ACOX3: variants seen among roughly 807,000 people sequenced by gnomAD.
ACOX3 encodes the protein acyl-CoA oxidase 3, pristanoyl.
ACOX3 carries 73 observed loss-of-function variants against 81.5 expected under a neutral mutation model. That is an observed-to-expected ratio of 0.90 (90% CI 0.74 to 1.09). ACOX3 has a LOEUF of 1.09. Among genes scored for constraint, ACOX3 ranks in the 50% least tolerant of loss-of-function variants. ACOX3 has a pLI of 0.00. For missense variants in ACOX3, 947 were observed against 928.0 expected (o/e 1.02, Z -0.27); for synonymous variants, 387 against 375.1 (o/e 1.03, Z -0.37).
At chr4:8,376,416 C>T (rs1170241075) in intron 14 of ACOX3, among the ~76,000 whole-genome samples, 1 of 152,068 alleles carries the variant, frequency 6.6e-6, no homozygotes, top group Non-Finnish European at 1.5e-5. Flanking sequence ...CAGGAGGACC[C>T]GGCTGCATGC....
chr4:8,418,014 A>G (rs1396055715), intron 1 of ACOX3, among the ~76,000 whole-genome samples: 3 of 152,270 alleles, frequency 2.0e-5, no homozygotes, highest in South Asian at 2.1e-4. Context: ...GAACAGATCT[A>G]TAATGACTGA....
chr4:8,396,345 G>A (rs1371646189), intron 9 of ACOX3, among the ~76,000 whole-genome samples: 2 of 152,166 alleles, frequency 1.3e-5, no homozygotes, highest in African/African-American at 2.4e-5. Flanking sequence ...CTGAACGTGC[G>A]GCCGTGCACA....
intron 15 of ACOX3, 161 bp downstream of exon 15, chr4:8,374,817 T>C: frequency 6.6e-6 from 5 of 760,928 alleles, no homozygotes; most frequent in Non-Finnish European, 9.6e-6. Context: ...CCCCATATGC[T>C]TCTCATTATG....
rs756245424 is a variant in ACOX3, at chr4:8,384,455, G to A, written c.1538-2848C>T. ...TGACGGGCAGTGAATTCTCTTGCTC[G>A]GAATGCGGCTGCTGGCGGCCTGAGG... On this transcript the variant is annotated intron_variant, in intron 13 of 17. Coordinates refer to ENST00000356406, the MANE Select transcript of ACOX3 (RefSeq NM_003501.3). This position sits in a 1 kb window ranked among gnomAD's most constrained non-coding sequence, Gnocchi z 5.3. Among the ~76,000 whole-genome samples the A allele has an allele frequency of 1.3e-5, 2 of 152,162 alleles. No homozygotes were observed. Among genetic ancestry groups the A allele is most frequent in the African/African-American group, 4.8e-5 (2 of 41,444 alleles).
rs371592538 is a variant in ACOX3 at position 8,432,834 on chromosome 4, G to C, written c.-15+7814C>G. On this transcript the variant is annotated intron_variant, in intron 1 of 17. Transcript: ENST00000356406. The surrounding 1 kb of genome is among the most constrained non-coding windows in gnomAD (Gnocchi z 6.2). ...TAAGGGTCCCAGGTGAGTGTCTCTA[G>C]TGCTGCATTGTTCAACAGTAGCCCC... Among the ~76,000 whole-genome samples, 68 of 152,324 alleles carry C rather than the reference G, an allele frequency of 4.5e-4. No homozygotes were observed. The highest frequency in any genetic ancestry group is 2.9e-3 in the East Asian group (15 of 5,188).
At chr4:8,398,333 T>A (rs1471586978) in intron 8 of ACOX3, among the ~76,000 whole-genome samples, 1 of 152,132 alleles carries the variant, frequency 6.6e-6, no homozygotes, top group Non-Finnish European at 1.5e-5. Context: ...TCTTAGAAAT[T>A]CCTCAATTTC....
downstream of ACOX3, among the ~76,000 whole-genome samples, chr4:8,361,423 C>G: frequency 3.4e-5 from 1 of 29,534 alleles, no homozygotes; most frequent in Admixed American, 5.9e-4. Flanking sequence ...GAGACTCTAT[C>G]TCAAAAAAAA....
intron 15 of ACOX3, 123 bp downstream of exon 15, chr4:8,374,855 G>A (rs920680349): frequency 6.4e-6 from 7 of 1,092,108 alleles, no homozygotes; most frequent in South Asian, 5.7e-5. Context: ...TGTCCACAGC[G>A]CCATCCGCCG....
Position 8,381,362 on chromosome 4 carries a change from A to G in ACOX3, c.1653+130T>C, listed in dbSNP as rs1279549669. 1.4e-6 allele frequency: 1 copy of G among 737,516 alleles called. No homozygotes were observed. The highest frequency in any genetic ancestry group is 1.8e-5 in the African/African-American group (1 of 57,054). The allele number at this position is 737,516 out of a possible 1,614,324, so 45.7% of individuals were successfully genotyped here. On this transcript the variant is annotated intron_variant, in intron 14 of 17. Coordinates refer to ENST00000356406, the MANE Select transcript of ACOX3 (RefSeq NM_003501.3). The surrounding 1 kb of genome is among the most constrained non-coding windows in gnomAD (Gnocchi z 4.3). ...GAGCAAGCAGCAAAGTCATCAAGTCATCTGCCCAAGGTCACGGGAGCTCGG... is the reference window on the plus strand; with the variant it reads ...GAGCAAGCAGCAAAGTCATCAAGTCGTCTGCCCAAGGTCACGGGAGCTCGG...
In ACOX3 at chr4:8,406,083, C is replaced by G. The variant is rs145944359; in HGVS notation, c.688-40G>C. Reference sequence around the variant, plus strand: ...AGAAAGCAGCAAACAGCAACTGTTACAATCACACAAAAATCAAAACAAATG... The same window carrying G: ...AGAAAGCAGCAAACAGCAACTGTTAGAATCACACAAAAATCAAAACAAATG... On this transcript the variant is annotated intron_variant, in intron 6 of 17. Coordinates refer to ENST00000356406, the MANE Select transcript of ACOX3 (RefSeq NM_003501.3). This position sits in a 1 kb window ranked among gnomAD's most constrained non-coding sequence, Gnocchi z 5.6. 1.3e-4 allele frequency: 202 copies of G among 1,585,470 alleles called. No individual in the cohort carries two copies. In the African/African-American group the frequency reaches 2.2e-3, roughly 17 times the overall value.
At chr4:8,418,390 C>A (rs1295032105) in intron 1 of ACOX3, among the ~76,000 whole-genome samples, 1 of 133,674 alleles carries the variant, frequency 7.5e-6, no homozygotes, top group East Asian at 2.3e-4. Flanking sequence ...ACCTGGGAGA[C>A]AGAAGTTGCA....
At chr4:8,422,949 AAGGTCCTTT>A (rs202084965) in intron 1 of ACOX3, among the ~76,000 whole-genome samples, 4,157 of 152,294 alleles carry the variant, frequency 0.027, 69 homozygotes, top group South Asian at 0.04. Flanking sequence ...CCAGGGGATG[AAGGTCCTTT>A]CAGTCAGAAG....
rs965599963 is a variant in ACOX3 at position 8,385,319 on chromosome 4, T to C, written c.1538-3712A>G. On this transcript the variant is annotated intron_variant, in intron 13 of 17. Transcript: ENST00000356406. This position sits in a 1 kb window ranked among gnomAD's most constrained non-coding sequence, Gnocchi z 5.5. ...CCCCCACGTGACTCCACCGCTCACCTGTGACCTCACTGCTCACCTCACATG... is the reference window on the plus strand; with the variant it reads ...CCCCCACGTGACTCCACCGCTCACCCGTGACCTCACTGCTCACCTCACATG... 9.2e-5 allele frequency among the ~76,000 whole-genome samples: 14 copies of C among 151,856 alleles called. No homozygotes were observed. Among genetic ancestry groups the C allele is most frequent in the African/African-American group, 3.1e-4 (13 of 41,310 alleles).
intron 14 of ACOX3, among the ~76,000 whole-genome samples, 183 bp from the exon 15 acceptor site, chr4:8,375,335 T>C (rs889647967): frequency 1.3e-5 from 2 of 152,160 alleles, no homozygotes; most frequent in African/African-American, 2.4e-5. Context: ...CAGAACACAA[T>C]GGAAGAGGCC....
At chr4:8,426,564 C>G in intron 1 of ACOX3, among the ~76,000 whole-genome samples, 1 of 146,418 alleles carries the variant, frequency 6.8e-6, no homozygotes, top group African/African-American at 2.5e-5. Context: ...CACCTCACCC[C>G]CTCCATGCCG....
chr4:8,410,027 G>C (rs1253490278), intron 6 of ACOX3, among the ~76,000 whole-genome samples, 185 bp downstream of exon 6: 2 of 151,600 alleles, frequency 1.3e-5, no homozygotes, highest in Non-Finnish European at 2.9e-5. Flanking sequence ...ATGCACTGTG[G>C]GCGGGGCTGT....
rs1452567784 is a variant in ACOX3, at chr4:8,410,192, G to A, written c.687+20C>T. 1.2e-6 allele frequency: 2 copies of A among 1,608,582 alleles called. No individual in the cohort carries two copies. The highest frequency in any genetic ancestry group is 1.7e-6 in the Non-Finnish European group (2 of 1,176,366). On this transcript the variant is annotated intron_variant, in intron 6 of 17. Transcript: ENST00000356406. ...TGGGGGTAAACACTGCCCCCACTGA[G>A]GGCCACCCCAGCGTCCTACCTGCAC...
At chr4:8,408,292 T>G (rs961482840) in intron 6 of ACOX3, among the ~76,000 whole-genome samples, 3 of 148,134 alleles carry the variant, frequency 2.0e-5, no homozygotes, top group African/African-American at 7.4e-5. Context: ...GAAAGAAACC[T>G]GCAAAAGATG....
intron 13 of ACOX3, among the ~76,000 whole-genome samples, chr4:8,387,090 G>A (rs3796741): frequency 0.042 from 6,405 of 152,312 alleles, 212 homozygotes; most frequent in South Asian, 0.13. Flanking sequence ...CCAAGTCCCC[G>A]CTCTATCTGC....
Sources: allele counts gnomAD v4.1 joint callset (sites outside exome capture counted in the v4.1 genomes callset), GRCh38; gene constraint gnomAD v4.1.1; non-coding constraint Gnocchi (gnomAD v3.1); transcripts MANE v1.5; gene names NCBI Gene and HGNC (gene_info 2026-07-23, HGNC 2026-07-21).